Variants in SOX5 observed in about 807,000 individuals in gnomAD.
SOX5 encodes the protein transcription factor SOX-5.
SOX5 carries 9 observed loss-of-function variants against 92.0 expected under a neutral mutation model. The observed-to-expected ratio is 0.10, with a 90% CI of 0.06 to 0.17. The LOEUF is 0.17. Ranked by LOEUF, SOX5 falls within the 10% of genes least tolerant of loss-of-function variation. The pLI, the probability that SOX5 is intolerant of heterozygous loss-of-function variation, is 1.00. For synonymous variants in SOX5, 344 were observed against 336.3 expected (o/e 1.02, Z -0.25); for missense variants, 642 against 944.5 (o/e 0.68, Z 4.20).
intron 2 of SOX5, among the ~76,000 whole-genome samples, chr12:23,873,449 G>A (rs968106540): frequency 6.6e-6 from 1 of 152,094 alleles, no homozygotes; most frequent in African/African-American, 2.4e-5. Context: ...CTCCACCCTG[G>A]GTGACAAGGT....
intron 3 of SOX5, among the ~76,000 whole-genome samples, chr12:23,842,852 T>G (rs1014244566): frequency 3.9e-5 from 6 of 152,134 alleles, no homozygotes; most frequent in African/African-American, 1.4e-4. Flanking sequence ...TCTAGTAACA[T>G]AACTCCCTAT....
chr12:24,330,139 C>G (rs145542286), intron 2 of SOX5, among the ~76,000 whole-genome samples: 32 of 151,686 alleles, frequency 2.1e-4, no homozygotes, highest in African/African-American at 7.7e-4. Flanking sequence ...GAAAAACATA[C>G]CTTCAACAAA....
chr12:23,841,869 C>T (rs972693333), intron 3 of SOX5, among the ~76,000 whole-genome samples: 10 of 152,140 alleles, frequency 6.6e-5, no homozygotes, highest in African/African-American at 2.2e-4. Flanking sequence ...TGGTAAATGA[C>T]AATATGCATT....
chr12:24,501,671 C>A (rs1294704130), intron 1 of SOX5, among the ~76,000 whole-genome samples: 1 of 151,802 alleles, frequency 6.6e-6, no homozygotes, highest in East Asian at 1.9e-4. Context: ...ACAAAAAATA[C>A]CAAAAATTAG....
chr12:23,746,932 G>A (rs1237866743), intron 4 of SOX5, among the ~76,000 whole-genome samples: 1 of 152,016 alleles, frequency 6.6e-6, no homozygotes, highest in Non-Finnish European at 1.5e-5. Context: ...TTTATAAAGG[G>A]GAGTTTCCCT....
At chr12:24,305,425 G>C (rs1487654604) in intron 2 of SOX5, among the ~76,000 whole-genome samples, 1 of 152,100 alleles carries the variant, frequency 6.6e-6, no homozygotes, top group Non-Finnish European at 1.5e-5. Context: ...GAAATATCAG[G>C]GTCTTGATGA....
At chr12:24,271,978 CACAA>C (rs1469310738) in intron 3 of SOX5, among the ~76,000 whole-genome samples, 11 of 74,198 alleles carry the variant, frequency 1.5e-4, no homozygotes, top group East Asian at 6.4e-4. Context: ...CACACACACA[CACAA>C]ACACACACAC....
intron 2 of SOX5, among the ~76,000 whole-genome samples, chr12:24,364,097 A>G (rs1955891935): frequency 6.6e-6 from 1 of 152,132 alleles, no homozygotes; most frequent in African/African-American, 2.4e-5. Context: ...CAGTGACCGA[A>G]GCTTTCAAGA....
chr12:24,072,106 T>C (rs953836651), intron 4 of SOX5, among the ~76,000 whole-genome samples: 2 of 152,212 alleles, frequency 1.3e-5, no homozygotes, highest in African/African-American at 2.4e-5. Flanking sequence ...GAATCAAACA[T>C]ACTGCATGGG....
chr12:24,349,021 ACGC>A lies in SOX5; in HGVS notation c.-174+19539_-174+19541del, dbSNP rs1411513763. Among the ~76,000 whole-genome samples, 8 of 152,328 alleles carry A rather than the reference ACGC, an allele frequency of 5.3e-5. No homozygotes were observed. The East Asian group carries it at 1.5e-3, about 29-fold the overall frequency. The stretch of plus-strand genomic sequence containing the variant: ...CTTTATAAATTACCCAGTCTCAGGT[ACGC>A]CTTTATTGGCAGTGTGAGAATGGAC... On this transcript the variant is annotated intron_variant, in intron 2 of 4. Transcript: ENST00000446891.
intron 1 of SOX5, among the ~76,000 whole-genome samples, chr12:24,540,700 A>C (rs895593114): frequency 1.3e-5 from 2 of 152,176 alleles, no homozygotes; most frequent in African/African-American, 4.8e-5. Context: ...AGTTTTTCCA[A>C]AATGTTTTGA....
chr12:24,016,118 A>T (rs1250829950), intron 4 of SOX5, among the ~76,000 whole-genome samples: 1 of 152,208 alleles, frequency 6.6e-6, no homozygotes, highest in East Asian at 1.9e-4. Flanking sequence ...TGCAGCTAAC[A>T]TGCGGTGGGC....
chr12:23,743,475 A>C (rs1193050491), intron 4 of SOX5, among the ~76,000 whole-genome samples: 1 of 151,852 alleles, frequency 6.6e-6, no homozygotes, highest in African/African-American at 2.4e-5. Flanking sequence ...ATGCCTGGCT[A>C]ATTTTTTTAT....
At chr12:23,788,239 G>T (rs1306166457) in intron 3 of SOX5, among the ~76,000 whole-genome samples, 2 of 151,980 alleles carry the variant, frequency 1.3e-5, no homozygotes, top group East Asian at 1.9e-4. Flanking sequence ...ATTCAGGTCA[G>T]AGAGTAGCAA....
chr12:23,623,125 T>A (rs2077374340), intron 8 of SOX5, among the ~76,000 whole-genome samples: 1 of 152,146 alleles, frequency 6.6e-6, no homozygotes, highest in South Asian at 2.1e-4. Context: ...ATGCCATTCA[T>A]CCATTCTTTT....
At chr12:24,210,939 A>G (rs1362695939) in intron 4 of SOX5, among the ~76,000 whole-genome samples, 1 of 152,194 alleles carries the variant, frequency 6.6e-6, no homozygotes, top group African/African-American at 2.4e-5. Flanking sequence ...CATATGAACC[A>G]TAACATGCTC....
chr12:23,951,404 A>G (rs1945609686), upstream of SOX5, among the ~76,000 whole-genome samples: 1 of 151,782 alleles, frequency 6.6e-6, no homozygotes, highest in African/African-American at 2.4e-5. Context: ...GGCCTTTAAA[A>G]CCACAAGGGT....
At chr12:24,544,054 C>T (rs988522934) in intron 1 of SOX5, among the ~76,000 whole-genome samples, 1 of 152,082 alleles carries the variant, frequency 6.6e-6, no homozygotes, top group African/African-American at 2.4e-5. Flanking sequence ...TAATGCTACC[C>T]GAAATGTATT....
At chr12:24,430,354 GA>G (rs1252958308) in intron 1 of SOX5, among the ~76,000 whole-genome samples, 2 of 151,922 alleles carry the variant, frequency 1.3e-5, no homozygotes, top group East Asian at 3.9e-4. Context: ...ACTAAGACAA[GA>G]AGGCATGTTT....
Sources: gnomAD v4.1 joint callset for allele counts (sites outside exome capture counted in the v4.1 genomes callset) on GRCh38, gnomAD v4.1.1 for gene constraint, MANE v1.5 for transcripts, NCBI Gene and HGNC (gene_info 2026-07-23, HGNC 2026-07-21) for gene names.